Variants in FCHO2 observed in about 807,000 individuals in gnomAD.
FCHO2 encodes the protein F-BAR domain only protein 2.
FCHO2 carries 43 observed loss-of-function variants against 114.1 expected under a neutral mutation model. The ratio of observed to expected loss-of-function variants is 0.38; its 90% CI spans 0.30 to 0.49. The LOEUF is 0.49. FCHO2 is among the 20% of genes least tolerant of loss of function. The probability of loss-of-function intolerance (pLI) is 0.97; values close to 1 mark genes in which losing one functional copy is unlikely to be tolerated. For missense variants in FCHO2, 807 were observed against 950.4 expected, an observed-to-expected ratio of 0.85 and a Z score of 1.98; for synonymous variants, 293 against 315.2, an observed-to-expected ratio of 0.93 and a Z score of 0.75.
chr5:73,051,250 C>T (rs1257798214), intron 11 of FCHO2, 99 bp from the exon 12 acceptor site: 4 of 712,964 alleles, frequency 5.6e-6, no homozygotes, highest in African/African-American at 1.9e-5. Context: ...ATCTGAGAAG[C>T]GGTTTGGTTC....
At chr5:72,967,178 CAG>C (rs1393831677) in intron 1 of FCHO2, among the ~76,000 whole-genome samples, 2 of 152,162 alleles carry the variant, frequency 1.3e-5, no homozygotes, top group East Asian at 1.9e-4. Flanking sequence ...CCCAGCTACT[CAG>C]GGGGCTGAAG....
chr5:73,052,190 TG>T, intron 12 of FCHO2, 141 bp from the exon 13 acceptor site: 1 of 752,906 alleles, frequency 1.3e-6, no homozygotes, highest in Non-Finnish European at 2.1e-6. Flanking sequence ...CCCAAAGTCC[TG>T]GGATTACAGG....
chr5:72,989,382 G>T (rs2112665284), intron 2 of FCHO2, 45 bp from the exon 3 acceptor site: 6 of 1,396,778 alleles, frequency 4.3e-6, no homozygotes, highest in Non-Finnish European at 4.9e-6. Context: ...GCTGTTTTTG[G>T]TCACTAAATA....
At chr5:73,044,468 AT>A (rs1338756707) in intron 11 of FCHO2, among the ~76,000 whole-genome samples, 1 of 151,812 alleles carries the variant, frequency 6.6e-6, no homozygotes, top group African/African-American at 2.4e-5. Flanking sequence ...ATTTTCTTTT[AT>A]TTGTAGCCTA....
intron 17 of FCHO2, among the ~76,000 whole-genome samples, chr5:73,063,596 G>C (rs113655416): frequency 0.011 from 1,649 of 151,942 alleles, 26 homozygotes; most frequent in Middle Eastern, 0.037. Context: ...AATGAAACAG[G>C]AATAAAATTT....
At chr5:73,010,732 C>T (rs945604774) in intron 6 of FCHO2, among the ~76,000 whole-genome samples, 2 of 151,800 alleles carry the variant, frequency 1.3e-5, no homozygotes, top group Non-Finnish European at 2.9e-5. Flanking sequence ...CAAAACTTAG[C>T]CAGGTGTGGT....
chr5:72,979,378 CTTTTTTTTTTTT>C (rs60234739), intron 2 of FCHO2, among the ~76,000 whole-genome samples: 198 of 49,804 alleles, frequency 4.0e-3, no homozygotes, highest in South Asian at 7.7e-3. Flanking sequence ...TTATCAATTT[CTTTTTTTTTTTT>C]TTTTTTTTTT....
chr5:73,064,178 C>T (rs1757964683), intron 18 of FCHO2, among the ~76,000 whole-genome samples: 1 of 152,000 alleles, frequency 6.6e-6, no homozygotes, highest in Non-Finnish European at 1.5e-5. Context: ...AAAGTTGGCA[C>T]ATTATAAAAA....
chr5:73,066,221 C>T (rs748589736), intron 18 of FCHO2, among the ~76,000 whole-genome samples: 9 of 152,018 alleles, frequency 5.9e-5, no homozygotes, highest in Admixed American at 1.3e-4. Flanking sequence ...TCTCCCCATC[C>T]TTGAGAGCCT....
At chr5:73,069,648 A>G (rs935712423) in intron 19 of FCHO2, among the ~76,000 whole-genome samples, 1 of 150,892 alleles carries the variant, frequency 6.6e-6, no homozygotes, top group Non-Finnish European at 1.5e-5. Context: ...TTAAATACAG[A>G]TGACATTCAC....
intron 1 of FCHO2, among the ~76,000 whole-genome samples, chr5:72,961,868 G>A (rs1751895681): frequency 6.6e-6 from 1 of 152,142 alleles, no homozygotes; most frequent in African/African-American, 2.4e-5. Flanking sequence ...TGGGATTACA[G>A]GCATGAGCCA....
Position 73,074,822 on chromosome 5 carries a change from A to C in FCHO2, c.1660A>C (p.Asn554His), listed in dbSNP as rs1580205402. The change falls in exon 20 of 26, where the codon AAT (asparagine) becomes CAT (histidine). Residue 554 changes from asparagine to histidine, a missense_variant. By Grantham distance (68) the Asn-to-His change is moderately conservative (BLOSUM62 1). Transcript: ENST00000430046. ...PVAVALTESV[N>H]AYFKGADPTK... is the part of the protein sequence containing the mutation. ...GGCAGTTGCCCTTACAGAATCTGTT[A>C]ATGCCTACTTTAAAGGAGCAGATCC... The C allele has an allele frequency of 6.2e-7, 1 of 1,612,756 alleles. No individual in the cohort carries two copies. Among genetic ancestry groups the C allele is most frequent in the Middle Eastern group, 1.7e-4 (1 of 6,056 alleles).
chr5:73,086,205 A>G (rs1322097426), intron 24 of FCHO2, among the ~76,000 whole-genome samples: 2 of 152,182 alleles, frequency 1.3e-5, no homozygotes, highest in Non-Finnish European at 2.9e-5. Flanking sequence ...GGGACAGGAA[A>G]TATTTCTAAG....
At chr5:72,963,483 C>T (rs1337819381) in intron 1 of FCHO2, among the ~76,000 whole-genome samples, 2 of 152,064 alleles carry the variant, frequency 1.3e-5, no homozygotes, top group Non-Finnish European at 2.9e-5. Flanking sequence ...TTGATATTAC[C>T]ATCAAGCATT....
intron 8 of FCHO2, among the ~76,000 whole-genome samples, chr5:73,032,653 T>G (rs1756298030): frequency 6.6e-6 from 1 of 152,194 alleles, no homozygotes; most frequent in African/African-American, 2.4e-5. Context: ...ATATATTTAG[T>G]ATTTGTAAAC....
intron 9 of FCHO2, among the ~76,000 whole-genome samples, chr5:73,035,676 T>A (rs1756462114): frequency 6.6e-6 from 1 of 152,044 alleles, no homozygotes; most frequent in Non-Finnish European, 1.5e-5. Context: ...CTAACTTTTG[T>A]ATTTTTTTTA....
At chr5:73,067,878 G>T (rs925511656) in intron 18 of FCHO2, among the ~76,000 whole-genome samples, 2 of 151,956 alleles carry the variant, frequency 1.3e-5, no homozygotes, top group Non-Finnish European at 2.9e-5. Context: ...GGAAGGAAAA[G>T]AATCTGTTCA....
chr5:73,050,899 T>C (rs1757310549), intron 11 of FCHO2, among the ~76,000 whole-genome samples: 2 of 152,314 alleles, frequency 1.3e-5, no homozygotes, highest in African/African-American at 4.8e-5. Flanking sequence ...GTTTTACTAG[T>C]TCACCCAGAC....
At chr5:72,994,990 A>T (rs943337254) in intron 5 of FCHO2, among the ~76,000 whole-genome samples, 6 of 152,056 alleles carry the variant, frequency 3.9e-5, no homozygotes, top group Admixed American at 2.0e-4. Context: ...GAAGGAGAGG[A>T]TCAGAAAAAA....
Sources: allele counts gnomAD v4.1 joint callset (sites outside exome capture counted in the v4.1 genomes callset), GRCh38; gene constraint gnomAD v4.1.1; transcripts MANE v1.5; gene names NCBI Gene and HGNC (gene_info 2026-07-23, HGNC 2026-07-21).